CEP19: variants seen among roughly 807,000 people sequenced by gnomAD.
CEP19 encodes centrosomal protein of 19 kDa.
In CEP19, 14 loss-of-function variants were observed where a neutral mutation model predicts 17.5. The ratio of observed to expected loss-of-function variants is 0.80; its 90% CI spans 0.53 to 1.25. The LOEUF (loss-of-function observed/expected upper bound fraction) is 1.25. Ranked by LOEUF, CEP19 falls within the 50% of genes most tolerant of loss-of-function variation. The pLI, the probability that CEP19 is intolerant of heterozygous loss-of-function variation, is 0.00. For synonymous variants in CEP19, 59 were observed against 65.5 expected (o/e 0.90, Z 0.48); for missense variants, 193 against 192.0 (o/e 1.01, Z -0.03).
At chr3:196,707,961 T>C (rs772703224) in intron 2 of CEP19, 49 bp from the exon 3 acceptor site, 27 of 1,553,318 alleles carry the variant, frequency 1.7e-5, no homozygotes, top group Non-Finnish European at 2.3e-5. Flanking sequence ...ACGTACATCA[T>C]ATACGCCATA....
intron 1 of CEP19, 32 bp downstream of exon 1, chr3:196,711,897 C>A (rs1372489695): frequency 4.2e-6 from 3 of 717,444 alleles, no homozygotes; most frequent in Non-Finnish European, 7.8e-6. Flanking sequence ...TCCCTACTCA[C>A]GTCTCCACTA....
At chr3:196,709,363 A>G (rs1386964175) in intron 1 of CEP19, among the ~76,000 whole-genome samples, 2 of 152,086 alleles carry the variant, frequency 1.3e-5, no homozygotes, top group East Asian at 1.9e-4. Flanking sequence ...TTAATCATCT[A>G]TCTTCCCTTC....
rs1711519915 is a variant in CEP19, at chr3:196,706,423, C to T, written c.*1128G>A. ...GAAGATGCTGTCTTGCAGATCCATT[C>T]ATGAACAGGCCTAAACTGGCAGTGC... On this transcript the variant is annotated 3_prime_UTR_variant, in exon 3 of 3. Transcript: ENST00000409690. 1.3e-5 allele frequency: 2 copies of T among 152,204 alleles called. No individual in the cohort carries two copies. The highest frequency in any genetic ancestry group is 4.8e-5 in the African/African-American group (2 of 41,446). 9.4% of individuals were successfully genotyped at this position (152,204 alleles called of 1,614,324 possible). A position where few individuals can be genotyped will look rare whatever the true frequency, so the allele number is the denominator to read the frequency against.
At chr3:196,708,783 T>C in intron 1 of CEP19, 56 bp from the exon 2 acceptor site, 2 of 958,800 alleles carry the variant, frequency 2.1e-6, no homozygotes, top group South Asian at 3.3e-5. Flanking sequence ...CCCTCGCCCC[T>C]TTGCCCCAGA....
At chr3:196,708,901 C>T in intron 1 of CEP19, 174 bp from the exon 2 acceptor site, 1 of 487,902 alleles carries the variant, frequency 2.0e-6, no homozygotes, top group South Asian at 2.6e-5. Flanking sequence ...CATCCTTGCG[C>T]AGGGGCCATG....
Position 196,712,240 on chromosome 3 carries a change from C to G in CEP19, c.-382G>C. ...CGGCGAGCGCTGGCCTAGCGGTTTC[C>G]ACAGCGACAGGCCGGGCGCGCGTCC... On this transcript the variant is annotated 5_prime_UTR_variant, in exon 1 of 3. Transcript: ENST00000409690. The G allele has an allele frequency of 2.1e-6, 1 of 485,292 alleles. No homozygotes were observed. The highest frequency in any genetic ancestry group is 3.7e-6 in the Non-Finnish European group (1 of 272,160). 30.1% of individuals were successfully genotyped at this position (485,292 alleles called of 1,614,324 possible). A position where few individuals can be genotyped will look rare whatever the true frequency, so the allele number is the denominator to read the frequency against.
chr3:196,708,810 C>T lies in CEP19; in HGVS notation c.-70-83G>A, dbSNP rs546997046. 84 of 716,120 alleles carry T rather than the reference C, an allele frequency of 1.2e-4. No individual in the cohort carries two copies. In the South Asian group the frequency reaches 1.4e-3, roughly 12 times the overall value. 44.4% of individuals were successfully genotyped at this position (716,120 alleles called of 1,614,324 possible). A position where few individuals can be genotyped will look rare whatever the true frequency, so the allele number is the denominator to read the frequency against. ...TGCCCCAGAAGATCTGGTTCTAGTCCGGCTCTGGCCACACACGCTCAGCCT... is the reference window on the plus strand; with the variant it reads ...TGCCCCAGAAGATCTGGTTCTAGTCTGGCTCTGGCCACACACGCTCAGCCT... On this transcript the variant is annotated intron_variant, in intron 1 of 2. Coordinates refer to ENST00000409690, the MANE Select transcript of CEP19 (RefSeq NM_032898.5).
At position 196,706,415 on chromosome 3, in the gene CEP19, G is replaced by T. The variant is rs1338463903; in HGVS notation, c.*1136C>A. 1 of 152,228 alleles carries T rather than the reference G, an allele frequency of 6.6e-6. No individual in the cohort carries two copies. Among genetic ancestry groups the T allele is most frequent in the African/African-American group, 2.4e-5 (1 of 41,446 alleles). The allele number at this position is 152,228 out of a possible 1,614,324, so 9.4% of individuals were successfully genotyped here. On this transcript the variant is annotated 3_prime_UTR_variant, in exon 3 of 3. Coordinates refer to ENST00000409690, the MANE Select transcript of CEP19 (RefSeq NM_032898.5). ...TGTTAAACGAAGATGCTGTCTTGCA[G>T]ATCCATTCATGAACAGGCCTAAACT...
intron 2 of CEP19, among the ~76,000 whole-genome samples, 161 bp from the exon 3 acceptor site, chr3:196,708,073 T>G (rs1711594340): frequency 6.6e-6 from 1 of 152,252 alleles, no homozygotes; most frequent in Non-Finnish European, 1.5e-5. Context: ...TGAATTACTT[T>G]GTAGAACCAT....
intron 1 of CEP19, among the ~76,000 whole-genome samples, chr3:196,709,779 A>G (rs997186549): frequency 2.6e-5 from 4 of 152,230 alleles, no homozygotes; most frequent in African/African-American, 9.6e-5. Flanking sequence ...CCCAAAGAAT[A>G]CACTTAACCC....
rs1441304650 is a variant in CEP19 at position 196,712,203 on chromosome 3, G to C, written c.-345C>G. 4 of 549,646 alleles carry C rather than the reference G, an allele frequency of 7.3e-6. No homozygotes were observed. The East Asian group carries it at 1.2e-4, about 16-fold the overall frequency. 34.0% of individuals were successfully genotyped at this position (549,646 alleles called of 1,614,324 possible). On this transcript the variant is annotated 5_prime_UTR_variant, in exon 1 of 3. It adds an upstream start codon to the 5' untranslated region. Coordinates refer to ENST00000409690, the MANE Select transcript of CEP19 (RefSeq NM_032898.5). ...ACCGGCTCCCACCTCGGCGTACAGG[G>C]ATTCCAGGTCCCGGCGAGCGCTGGC...
Position 196,707,399 on chromosome 3 carries a change from G to A in CEP19, c.*152C>T. The A allele has an allele frequency of 1.3e-6, 1 of 785,838 alleles. No individual in the cohort carries two copies. The allele number at this position is 785,838 out of a possible 1,614,324, so 48.7% of individuals were successfully genotyped here. Reference sequence around the variant, plus strand: ...CCCATACTCCTCATGCACCTACATAGTAGATGCTTTAAATGTCCTGGTTTT... The same window carrying A: ...CCCATACTCCTCATGCACCTACATAATAGATGCTTTAAATGTCCTGGTTTT... On this transcript the variant is annotated 3_prime_UTR_variant, in exon 3 of 3. Coordinates refer to ENST00000409690, the MANE Select transcript of CEP19 (RefSeq NM_032898.5).
chr3:196,710,587 C>A (rs1015901207), intron 1 of CEP19, among the ~76,000 whole-genome samples: 2 of 151,970 alleles, frequency 1.3e-5, no homozygotes, highest in African/African-American at 4.8e-5. Flanking sequence ...CCTGTAATCC[C>A]AACACTTTGG....
At chr3:196,708,821 A>G in intron 1 of CEP19, 94 bp from the exon 2 acceptor site, 1 of 656,268 alleles carries the variant, frequency 1.5e-6, no homozygotes, top group Non-Finnish European at 2.6e-6. Context: ...GGCTCTGGCC[A>G]CACACGCTCA....
chr3:196,708,427 T>C, intron 2 of CEP19, 101 bp downstream of exon 2: 1 of 1,046,552 alleles, frequency 9.6e-7, no homozygotes, highest in Non-Finnish European at 1.4e-6. Context: ...TGAGAGTAAG[T>C]AATTCATCCA....
intron 1 of CEP19, among the ~76,000 whole-genome samples, chr3:196,709,857 T>C (rs1031333781): frequency 6.6e-6 from 1 of 152,192 alleles, no homozygotes; most frequent in South Asian, 2.1e-4. Context: ...AACATTGAGG[T>C]AAAGTGGCAT....
intron 1 of CEP19, among the ~76,000 whole-genome samples, chr3:196,711,630 T>C (rs1039225905): frequency 1.3e-5 from 2 of 152,196 alleles, no homozygotes; most frequent in Non-Finnish European, 2.9e-5. Flanking sequence ...TTTTGGATAG[T>C]ATGTTTTGAC....
chr3:196,711,898 G>A (rs1711810010), intron 1 of CEP19, 31 bp downstream of exon 1: 1 of 717,256 alleles, frequency 1.4e-6, no homozygotes, highest in African/African-American at 1.7e-5. Flanking sequence ...CCCTACTCAC[G>A]TCTCCACTAG....
intron 1 of CEP19, among the ~76,000 whole-genome samples, chr3:196,711,098 AAAT>A (rs1465606447): frequency 2.2e-5 from 3 of 136,506 alleles, no homozygotes; most frequent in Non-Finnish European, 4.8e-5. Flanking sequence ...GTTGGTACTC[AAAT>A]AATGTAGTTT....
Sources: allele counts gnomAD v4.1 joint callset (sites outside exome capture counted in the v4.1 genomes callset), GRCh38; gene constraint gnomAD v4.1.1; transcripts MANE v1.5; gene names NCBI Gene and HGNC (gene_info 2026-07-23, HGNC 2026-07-21).